The following ARHGEF7 variants were observed in gnomAD, a reference collection of about 807,000 sequenced individuals.
ARHGEF7 encodes the protein PAK-interacting exchange factor beta.
ARHGEF7 carries 33 observed loss-of-function variants against 109.8 expected under a neutral mutation model. The observed-to-expected ratio is 0.30, with a 90% CI of 0.23 to 0.40. The LOEUF (loss-of-function observed/expected upper bound fraction) is 0.40, where lower values mean the gene tolerates loss of function less well. ARHGEF7 is among the 10% of genes least tolerant of loss of function. The pLI is 1.00. For synonymous variants in ARHGEF7, 458 were observed against 424.6 expected, an observed-to-expected ratio of 1.08 and a Z score of -0.97; for missense variants, 938 against 1,098.5, an observed-to-expected ratio of 0.85 and a Z score of 2.07.
In ARHGEF7 at chr13:111,206,416, A is replaced by C. The variant is rs570219240; in HGVS notation, c.337+1043A>C. ...GCTGATGCTGCTGCTGCTGATGCTG[A>C]TGCCCCGGCGAGAGGCACTGGCCCC... On this transcript the variant is annotated intron_variant, in intron 3 of 21. Transcript: ENST00000646102. Among the ~76,000 whole-genome samples, 408 of 152,172 alleles carry C rather than the reference A, an allele frequency of 2.7e-3. 1 individual carries two copies. The highest frequency in any genetic ancestry group is 9.4e-3 in the African/African-American group (389 of 41,514).
chr13:111,241,007 A>G (rs2087679968), intron 6 of ARHGEF7: 1 of 743,008 alleles, frequency 1.3e-6, no homozygotes, highest in African/African-American at 1.8e-5. Context: ...GCAACGAATA[A>G]AGTGTCTGTG....
At position 111,209,953 on chromosome 13, in the gene ARHGEF7, C is replaced by G; in HGVS notation, c.419C>G (p.Ser140Cys). The G allele has an allele frequency of 6.2e-7, 1 of 1,614,218 alleles. No individual in the cohort carries two copies. The highest frequency in any genetic ancestry group is 8.5e-7 in the Non-Finnish European group (1 of 1,180,048). ...IKSFDSLGSQ[S>C]LHTRTSKLFQ... ...TCTTTTGACTCCCTTGGATCACAGT[C>G]TTTGCACACTCGGACTTCAAAACTG... Residue 140 changes from serine to cysteine, a missense_variant, in exon 4 of 22, where the codon TCT (serine) becomes TGT (cysteine). This residue lies in a region of ARHGEF7 where 585 missense variants were observed against 723.6 expected (regional missense o/e 0.81). Transcript: ENST00000646102.
chr13:111,209,018 C>T (rs181366225), intron 3 of ARHGEF7, among the ~76,000 whole-genome samples: 2 of 152,230 alleles, frequency 1.3e-5, no homozygotes, highest in Non-Finnish European at 2.9e-5. Context: ...CGATGTTGAC[C>T]GTTTAATTCA....
At chr13:111,121,565 G>T (rs537865281) in intron 1 of ARHGEF7, among the ~76,000 whole-genome samples, 110 of 152,110 alleles carry the variant, frequency 7.2e-4, no homozygotes, top group African/African-American at 2.5e-3. Flanking sequence ...TAGCCGTTTG[G>T]ATTGGAGTCT....
chr13:111,264,739 A>G (rs1006036363), intron 8 of ARHGEF7, among the ~76,000 whole-genome samples: 2 of 152,240 alleles, frequency 1.3e-5, no homozygotes, highest in African/African-American at 4.8e-5. Flanking sequence ...GGAAGAGACT[A>G]GTATGTGGAG....
Position 111,205,246 on chromosome 13 carries a change from C to A in ARHGEF7, c.253-43C>A, listed in dbSNP as rs749725315. On this transcript the variant is annotated intron_variant, in intron 2 of 21. Coordinates refer to ENST00000646102, the MANE Select transcript of ARHGEF7 (RefSeq NM_001354046.2). ...AGAACTTAGTTCATCCTGCACCCAA[C>A]ATAAGACTCTACTAATTTTGCTTGT... The A allele has an allele frequency of 2.2e-5, 34 of 1,512,126 alleles. No homozygotes were observed. The Admixed American group carries it at 6.5e-4, about 29-fold the overall frequency. 93.7% of individuals were successfully genotyped at this position (1,512,126 alleles called of 1,614,324 possible). A position where few individuals can be genotyped will look rare whatever the true frequency, so the allele number is the denominator to read the frequency against.
At position 111,276,177 on chromosome 13, in the gene ARHGEF7, C is replaced by T. The variant is rs149799515; in HGVS notation, c.1419+499C>T. On this transcript the variant is annotated intron_variant, in intron 12 of 21. Coordinates refer to ENST00000646102, the MANE Select transcript of ARHGEF7 (RefSeq NM_001354046.2). ...TCAACCCAGATTTTTGGGACATACC[C>T]ACCCACACAGTGAAAATCGAGCAGT... The T allele has an allele frequency of 7.8e-3, 1,270 of 163,540 alleles. 11 individuals carry two copies. The highest frequency in any genetic ancestry group is 0.035 in the Middle Eastern group (11 of 316). 10.1% of individuals were successfully genotyped at this position (163,540 alleles called of 1,614,324 possible).
intron 2 of ARHGEF7, among the ~76,000 whole-genome samples, chr13:111,162,743 T>C (rs1490009659): frequency 6.6e-6 from 1 of 152,238 alleles, no homozygotes; most frequent in Admixed American, 6.5e-5. Context: ...AGTTCTCTTT[T>C]AGATTTTTTT....
At position 111,115,618 on chromosome 13, in the gene ARHGEF7, T is replaced by C; in HGVS notation, c.92T>C (p.Leu31Pro). Residue 31 changes from leucine (L) to proline (P), a missense_variant, in exon 1 of 22, where the codon CTG becomes CCG. Transcript: ENST00000646102. ...KKTISDPEGF[L>P]QASLKDGVVL... ...ACCATCTCGGACCCGGAGGGCTTTC[T>C]GCAGGCGTCGCTGAAGGATGGGGTG... 7.1e-7 allele frequency: 1 copy of C among 1,403,778 alleles called. No homozygotes were observed. The highest frequency in any genetic ancestry group is 9.4e-7 in the Non-Finnish European group (1 of 1,062,704). The allele number at this position is 1,403,778 out of a possible 1,614,324, so 87.0% of individuals were successfully genotyped here.
intron 5 of ARHGEF7, among the ~76,000 whole-genome samples, chr13:111,221,267 A>C (rs1361654162): frequency 5.6e-5 from 3 of 53,292 alleles, no homozygotes; most frequent in Admixed American, 1.8e-4. Flanking sequence ...ATATAGATAT[A>C]TATGTCTATA....
At chr13:111,195,670 T>G (rs2080413508) in intron 2 of ARHGEF7, among the ~76,000 whole-genome samples, 1 of 152,182 alleles carries the variant, frequency 6.6e-6, no homozygotes, top group Non-Finnish European at 1.5e-5. Flanking sequence ...AGAGAACCAT[T>G]GCACTCTGGG....
chr13:111,210,372 C>T (rs745532355), intron 4 of ARHGEF7, among the ~76,000 whole-genome samples: 2 of 152,258 alleles, frequency 1.3e-5, no homozygotes, highest in African/African-American at 4.8e-5. Flanking sequence ...TACTCAGCTC[C>T]GTAAAGAAGA....
At chr13:111,245,684 T>G (rs1209709681) in intron 8 of ARHGEF7, among the ~76,000 whole-genome samples, 2 of 152,198 alleles carry the variant, frequency 1.3e-5, no homozygotes, top group African/African-American at 4.8e-5. Context: ...CACTGCACTG[T>G]GTGTTTGTTA....
At chr13:111,193,088 G>T (rs2080091486) in intron 2 of ARHGEF7, among the ~76,000 whole-genome samples, 1 of 152,124 alleles carries the variant, frequency 6.6e-6, no homozygotes, top group Non-Finnish European at 1.5e-5. Flanking sequence ...ATAGGGATTT[G>T]GCCATTTGAT....
intron 8 of ARHGEF7, among the ~76,000 whole-genome samples, chr13:111,264,973 G>T (rs1198255357): frequency 6.6e-6 from 1 of 151,856 alleles, no homozygotes; most frequent in Non-Finnish European, 1.5e-5. Context: ...AGAAGGGAAG[G>T]CCCAGCTGGG....
Position 111,292,149 on chromosome 13 carries a change from C to T in ARHGEF7, c.2166C>T (p.His722=), listed in dbSNP as rs1408117147. 5.6e-6 allele frequency: 9 copies of T among 1,613,322 alleles called. No individual in the cohort carries two copies. The highest frequency in any genetic ancestry group is 7.6e-6 in the Non-Finnish European group (9 of 1,180,018). The stretch of plus-strand genomic sequence containing the variant: ...AAGGCACTGACCTGATGCATAATCA[C>T]GTCTTGGCTGATGATGACCAACCAA... ...TWQGTDLMHN[H]VLADDDQPSL... The change falls in exon 19 of 22, where the codon CAC becomes CAT. Residue 722 remains histidine (H), a synonymous_variant. Transcript: ENST00000646102.
At chr13:111,214,622 G>A (rs775483491) in intron 4 of ARHGEF7, among the ~76,000 whole-genome samples, 2 of 152,230 alleles carry the variant, frequency 1.3e-5, no homozygotes, top group African/African-American at 4.8e-5. Context: ...CAAGGAACAC[G>A]TGACAGTTTC....
In ARHGEF7 at chr13:111,255,385, AC is replaced by A. The variant is rs2090300784; in HGVS notation, c.950+11093del. 6.6e-6 allele frequency among the ~76,000 whole-genome samples: 1 copy of A among 152,174 alleles called. No homozygotes were observed. Among genetic ancestry groups the A allele is most frequent in the Non-Finnish European group, 1.5e-5 (1 of 68,030 alleles). On this transcript the variant is annotated intron_variant, in intron 8 of 21. Coordinates refer to ENST00000646102, the MANE Select transcript of ARHGEF7 (RefSeq NM_001354046.2). This position sits in a 1 kb window ranked among gnomAD's most constrained non-coding sequence, Gnocchi z 4.1. ...GTTTGGATTGACAGCTCTCCTGGTC[AC>A]CTGCCTCATGTTGCTTGCCCATGTC... is the stretch of plus-strand genomic sequence containing the variant.
chr13:111,273,746 G>A lies in ARHGEF7; in HGVS notation c.1074-68G>A. On this transcript the variant is annotated intron_variant, in intron 9 of 21. Coordinates refer to ENST00000646102, the MANE Select transcript of ARHGEF7 (RefSeq NM_001354046.2). This position sits in a 1 kb window ranked among gnomAD's most constrained non-coding sequence, Gnocchi z 4.5. ...TCATAAATTCTGGCTGTTGCTCATGGAGATGAGAGAGCCACCATTGTCTCT... is the reference window on the plus strand; with the variant it reads ...TCATAAATTCTGGCTGTTGCTCATGAAGATGAGAGAGCCACCATTGTCTCT... The A allele has an allele frequency of 6.3e-7, 1 of 1,592,194 alleles. No individual in the cohort carries two copies. Among genetic ancestry groups the A allele is most frequent in the Non-Finnish European group, 8.6e-7 (1 of 1,162,030 alleles).
Sources: allele counts gnomAD v4.1 joint callset (sites outside exome capture counted in the v4.1 genomes callset), GRCh38; gene constraint gnomAD v4.1.1; regional missense constraint gnomAD v4.1.1; non-coding constraint Gnocchi (gnomAD v3.1); transcripts MANE v1.5; gene names NCBI Gene and HGNC (gene_info 2026-07-23, HGNC 2026-07-21).